DTNB: variants seen among roughly 807,000 people sequenced by gnomAD.
DTNB encodes DTN-B.
DTNB carries 63 observed loss-of-function variants against 90.7 expected under a neutral mutation model. The observed-to-expected ratio is 0.69, with a 90% CI of 0.57 to 0.86. The LOEUF is 0.86. DTNB is among the 40% of genes least tolerant of loss of function. The probability of loss-of-function intolerance (pLI) is 0.00; values close to 1 mark genes in which losing one functional copy is unlikely to be tolerated. For synonymous variants in DTNB, 277 were observed against 286.7 expected (o/e 0.97, Z 0.34); for missense variants, 744 against 807.1 (o/e 0.92, Z 0.95).
intron 2 of DTNB, among the ~76,000 whole-genome samples, chr2:25,648,478 T>C (rs541503785): frequency 6.6e-6 from 1 of 152,150 alleles, no homozygotes; most frequent in Admixed American, 6.5e-5. Flanking sequence ...GGTTGAAAAA[T>C]ACAAACTATG....
intron 2 of DTNB, 104 bp downstream of exon 2, chr2:25,652,490 T>G: frequency 8.2e-7 from 1 of 1,220,898 alleles, no homozygotes; most frequent in Non-Finnish European, 1.1e-6. Flanking sequence ...CTGCAAAGCT[T>G]ATAACATAAA....
chr2:25,388,330 G>A lies in DTNB; in HGVS notation c.1607C>T (p.Pro536Leu), dbSNP rs2040113579. Residue 536 changes from proline (P) to leucine (L), a missense_variant, in exon 17 of 21, where the codon CCC becomes CTC. Pro to Leu is a moderately conservative substitution (Grantham distance 98). Coordinates refer to ENST00000406818, the MANE Select transcript of DTNB (RefSeq NM_021907.5). Reference protein sequence around the residue: ...AQATGSPHTSPTHGGGRPMPM... With the variant: ...AQATGSPHTSLTHGGGRPMPM... ...CATTGGCCGGCCGCCTCCATGGGTG[G>A]GCGATGTATGTGGTGACCCTGTGGC... 1.9e-6 allele frequency: 3 copies of A among 1,612,746 alleles called. No individual in the cohort carries two copies. Among genetic ancestry groups the A allele is most frequent in the Non-Finnish European group, 2.5e-6 (3 of 1,179,166 alleles).
At chr2:25,632,207 A>AG (rs943169487) in intron 3 of DTNB, among the ~76,000 whole-genome samples, 8 of 151,752 alleles carry the variant, frequency 5.3e-5, no homozygotes, top group African/African-American at 1.7e-4. Flanking sequence ...AAAAAAAAAA[A>AG]AAAAAAGAAA....
intron 4 of DTNB, among the ~76,000 whole-genome samples, chr2:25,616,356 T>C (rs1276400547): frequency 1.3e-5 from 2 of 152,198 alleles, no homozygotes; most frequent in African/African-American, 2.4e-5. Context: ...ATTTTCTTAA[T>C]CTTCAAAATG....
At chr2:25,434,421 T>TTTTTTA (rs56887206) in intron 12 of DTNB, among the ~76,000 whole-genome samples, 2 of 147,620 alleles carry the variant, frequency 1.4e-5, no homozygotes, top group East Asian at 2.0e-4. Context: ...TTTTTTTTTT[T>TTTTTTA]GAGATAAGGT....
intron 1 of DTNB, among the ~76,000 whole-genome samples, chr2:25,670,891 TC>T (rs941565928): frequency 6.6e-6 from 1 of 152,188 alleles, no homozygotes; most frequent in African/African-American, 2.4e-5. Context: ...TTTTGTGCCA[TC>T]CCACTCTGTC....
intron 2 of DTNB, among the ~76,000 whole-genome samples, chr2:25,642,395 C>A (rs547072974): frequency 6.6e-6 from 1 of 151,360 alleles, no homozygotes; most frequent in East Asian, 2.0e-4. Context: ...GAAACAAAAT[C>A]TCCAGTGAGA....
In DTNB at chr2:25,490,356, A is replaced by T. The variant is rs143779502; in HGVS notation, c.1002-7483T>A. ...TTAAAAAGGCAATCCTTAAGAGTGG[A>T]GACGGTTTTCTGACACAGGTCCTTA... is the stretch of plus-strand genomic sequence containing the variant. On this transcript the variant is annotated intron_variant, in intron 9 of 20. Coordinates refer to ENST00000406818, the MANE Select transcript of DTNB (RefSeq NM_021907.5). Among the ~76,000 whole-genome samples, 219 of 152,280 alleles carry T rather than the reference A, an allele frequency of 1.4e-3. 2 individuals are homozygous for T. Among genetic ancestry groups the T allele is most frequent in the African/African-American group, 4.9e-3 (205 of 41,550 alleles).
At chr2:25,392,978 A>G (rs1327875974) in intron 16 of DTNB, among the ~76,000 whole-genome samples, 1 of 152,130 alleles carries the variant, frequency 6.6e-6, no homozygotes, top group Non-Finnish European at 1.5e-5. Context: ...CTGATGCACA[A>G]ATCCTCAAAA....
chr2:25,628,244 G>A lies in DTNB; in HGVS notation c.289C>T (p.Pro97Ser), dbSNP rs1253940259. ...TCCACACTAATTTGGTGAGTAGAAG[G>A]AAGGCGCTTGTTCAACTGATAGTAG... ...SIYYQLNKRL[P>S]STHQISVEQS... The change falls in exon 4 of 21, where the codon CCT (proline) becomes TCT (serine). Residue 97 changes from proline to serine, a missense_variant. By Grantham distance (74) the Pro-to-Ser change is moderately conservative (BLOSUM62 -1). Coordinates refer to ENST00000406818, the MANE Select transcript of DTNB (RefSeq NM_021907.5). The A allele has an allele frequency of 1.2e-6, 2 of 1,613,592 alleles. No homozygotes were observed. The highest frequency in any genetic ancestry group is 2.7e-5 in the African/African-American group (2 of 74,824).
At chr2:25,554,791 A>G (rs1025383558) in intron 8 of DTNB, among the ~76,000 whole-genome samples, 8 of 152,360 alleles carry the variant, frequency 5.3e-5, no homozygotes, top group African/African-American at 1.7e-4. Context: ...TACATGCACC[A>G]TGATGCTATT....
intron 8 of DTNB, among the ~76,000 whole-genome samples, chr2:25,567,925 C>A (rs1162859297): frequency 6.6e-6 from 1 of 152,178 alleles, no homozygotes; most frequent in Non-Finnish European, 1.5e-5. Flanking sequence ...CTTTGGGAGG[C>A]CACGGTGGGC....
chr2:25,474,854 G>A (rs191752674), intron 10 of DTNB, among the ~76,000 whole-genome samples: 2 of 152,128 alleles, frequency 1.3e-5, no homozygotes, highest in African/African-American at 4.8e-5. Flanking sequence ...TCATCATATC[G>A]GTTATGGTGA....
chr2:25,620,501 T>C (rs2072245987), intron 4 of DTNB, among the ~76,000 whole-genome samples: 1 of 152,102 alleles, frequency 6.6e-6, no homozygotes, highest in African/African-American at 2.4e-5. Context: ...CCCTTTCTTT[T>C]AAAAAAATAA....
At chr2:25,551,879 A>G (rs902560383) in intron 8 of DTNB, among the ~76,000 whole-genome samples, 1 of 152,238 alleles carries the variant, frequency 6.6e-6, no homozygotes, top group South Asian at 2.1e-4. Context: ...TTATAATAAT[A>G]GTAATGTACT....
chr2:25,407,021 A>G (rs1558385627), intron 16 of DTNB, among the ~76,000 whole-genome samples: 3 of 152,172 alleles, frequency 2.0e-5, no homozygotes, highest in Non-Finnish European at 4.4e-5. Flanking sequence ...AATACATAAT[A>G]ATAAAAGTAC....
chr2:25,489,372 T>A (rs2066889343), intron 9 of DTNB, among the ~76,000 whole-genome samples: 1 of 152,078 alleles, frequency 6.6e-6, no homozygotes, highest in African/African-American at 2.4e-5. Context: ...ATTAAAAAGA[T>A]GAAAACTGAA....
At chr2:25,558,907 G>GC (rs1316028933) in intron 8 of DTNB, among the ~76,000 whole-genome samples, 11 of 152,160 alleles carry the variant, frequency 7.2e-5, no homozygotes, top group African/African-American at 1.9e-4. Context: ...GGTCAACGAA[G>GC]CAGTCACTTT....
intron 8 of DTNB, among the ~76,000 whole-genome samples, chr2:25,571,180 A>C (rs1022835224): frequency 1.3e-5 from 2 of 152,194 alleles, no homozygotes; most frequent in Non-Finnish European, 2.9e-5. Flanking sequence ...TGTATACAAC[A>C]TATTGTAATT....
Sources: allele counts gnomAD v4.1 joint callset (sites outside exome capture counted in the v4.1 genomes callset), GRCh38; gene constraint gnomAD v4.1.1; transcripts MANE v1.5; gene names NCBI Gene and HGNC (gene_info 2026-07-23, HGNC 2026-07-21).